Variants in AGBL4 observed in about 807,000 individuals in gnomAD.
AGBL4 encodes the protein AGBL carboxypeptidase 4.
AGBL4 carries 58 observed loss-of-function variants against 66.4 expected under a neutral mutation model. The ratio of observed to expected loss-of-function variants is 0.87; its 90% CI spans 0.71 to 1.09. The LOEUF (loss-of-function observed/expected upper bound fraction) is 1.09, where lower values mean the gene tolerates loss of function less well. Ranked by LOEUF, AGBL4 falls within the 50% of genes least tolerant of loss-of-function variation. The pLI is 0.00. For synonymous variants in AGBL4, 234 were observed against 222.9 expected, an observed-to-expected ratio of 1.05 and a Z score of -0.44; for missense variants, 579 against 631.0, an observed-to-expected ratio of 0.92 and a Z score of 0.88.
At chr1:49,245,641 G>A (rs1390840340) in intron 4 of AGBL4, 129 bp downstream of exon 4, 3 of 592,676 alleles carry the variant, frequency 5.1e-6, no homozygotes, top group Non-Finnish European at 8.8e-6. Context: ...CTAGAGTTCT[G>A]GGTAAAATTT....
chr1:49,890,964 G>A (rs1336940271), intron 1 of AGBL4, among the ~76,000 whole-genome samples: 1 of 152,146 alleles, frequency 6.6e-6, no homozygotes, highest in Non-Finnish European at 1.5e-5. Context: ...ATGACAGGTA[G>A]TAAAATGTGC....
At chr1:49,120,673 A>G (rs1645634124) in intron 4 of AGBL4, among the ~76,000 whole-genome samples, 1 of 152,058 alleles carries the variant, frequency 6.6e-6, no homozygotes, top group African/African-American at 2.4e-5. Context: ...GAAACTGACA[A>G]TTATGTGTCT....
intron 6 of AGBL4, among the ~76,000 whole-genome samples, chr1:48,856,906 AGCT>A (rs1647173742): frequency 6.6e-6 from 1 of 152,200 alleles, no homozygotes; most frequent in Non-Finnish European, 1.5e-5. Flanking sequence ...AAAGTGGGTC[AGCT>A]TGAATTCTGT....
At chr1:48,940,376 C>T (rs1483340501) in intron 5 of AGBL4, among the ~76,000 whole-genome samples, 2 of 151,654 alleles carry the variant, frequency 1.3e-5, no homozygotes, top group Non-Finnish European at 1.5e-5. Flanking sequence ...GAGACTCCAT[C>T]TCAAGAAAAA....
chr1:49,645,330 A>C (rs1223509415), intron 3 of AGBL4, among the ~76,000 whole-genome samples: 1 of 151,544 alleles, frequency 6.6e-6, no homozygotes, highest in Admixed American at 6.6e-5. Flanking sequence ...ATCAGTATAA[A>C]AAGAGAATAC....
chr1:49,991,761 GT>G (rs924072545), intron 1 of AGBL4, among the ~76,000 whole-genome samples: 12 of 151,870 alleles, frequency 7.9e-5, no homozygotes, highest in Non-Finnish European at 1.6e-4. Flanking sequence ...TGACAACTTA[GT>G]TTTTTTTAAT....
intron 3 of AGBL4, among the ~76,000 whole-genome samples, chr1:49,564,535 T>A (rs1434342316): frequency 6.6e-6 from 1 of 152,228 alleles, no homozygotes; most frequent in Non-Finnish European, 1.5e-5. Context: ...TCAAAGAACA[T>A]CTTTATTTCT....
At chr1:48,544,430 G>A (rs561376851) in intron 11 of AGBL4, among the ~76,000 whole-genome samples, 15 of 152,352 alleles carry the variant, frequency 9.8e-5, no homozygotes, top group Admixed American at 2.6e-4. Context: ...GCCACATGCT[G>A]TGTATGGCAG....
At chr1:49,451,575 A>C (rs1041160077) in intron 3 of AGBL4, among the ~76,000 whole-genome samples, 2 of 151,980 alleles carry the variant, frequency 1.3e-5, no homozygotes, top group Admixed American at 1.3e-4. Flanking sequence ...AATTCACCTC[A>C]GGCACATCTG....
At chr1:48,585,031 C>G (rs988098885) in intron 11 of AGBL4, 1 of 152,160 alleles carries the variant, frequency 6.6e-6, no homozygotes, top group East Asian at 1.9e-4. Flanking sequence ...AGGAATCATG[C>G]CTTTTTATTC....
intron 1 of AGBL4, among the ~76,000 whole-genome samples, chr1:49,878,367 T>G (rs1214880223): frequency 2.7e-5 from 4 of 150,178 alleles, no homozygotes; most frequent in Non-Finnish European, 5.9e-5. Flanking sequence ...GTGTCTTTGT[T>G]CTCGTTGGTT....
chr1:49,882,201 T>C (rs1647411703), intron 1 of AGBL4, among the ~76,000 whole-genome samples: 2 of 150,760 alleles, frequency 1.3e-5, no homozygotes, highest in East Asian at 1.9e-4. Flanking sequence ...TAGTTGTAGA[T>C]ATGCGGCATT....
At chr1:49,565,766 A>G (rs1337328993) in intron 3 of AGBL4, among the ~76,000 whole-genome samples, 1 of 151,892 alleles carries the variant, frequency 6.6e-6, no homozygotes, top group African/African-American at 2.4e-5. Flanking sequence ...GGTGAATCTG[A>G]CAAGTATGTG....
chr1:49,787,360 G>A (rs1265836711), intron 2 of AGBL4, among the ~76,000 whole-genome samples: 7 of 151,938 alleles, frequency 4.6e-5, no homozygotes, highest in Non-Finnish European at 7.4e-5. Context: ...AAAATTAGCC[G>A]GGCGTGGTGG....
chr1:48,984,525 T>C (rs901085363), intron 5 of AGBL4, among the ~76,000 whole-genome samples: 12 of 147,978 alleles, frequency 8.1e-5, no homozygotes, highest in Non-Finnish European at 1.5e-4. Flanking sequence ...ACACTCACAG[T>C]GCACACTAGG....
chr1:48,885,523 C>G (rs144086599), intron 5 of AGBL4, among the ~76,000 whole-genome samples: 1 of 152,076 alleles, frequency 6.6e-6, no homozygotes, highest in Non-Finnish European at 1.5e-5. Flanking sequence ...ACACCAAGAC[C>G]GGCCACATAA....
intron 5 of AGBL4, among the ~76,000 whole-genome samples, chr1:48,947,899 T>G (rs1656654250): frequency 7.3e-6 from 1 of 136,478 alleles, no homozygotes; most frequent in Non-Finnish European, 1.5e-5. Context: ...TTTTGTTTTG[T>G]TTTTTTTTTT....
At chr1:48,641,052 C>T (rs1645747242) in intron 8 of AGBL4, among the ~76,000 whole-genome samples, 1 of 152,104 alleles carries the variant, frequency 6.6e-6, no homozygotes, top group African/African-American at 2.4e-5. Context: ...GTGGCATTGA[C>T]AAGCAGAGAT....
chr1:48,625,365 C>A (rs1420327726), intron 9 of AGBL4, among the ~76,000 whole-genome samples: 14 of 152,074 alleles, frequency 9.2e-5, no homozygotes, highest in African/African-American at 3.4e-4. Context: ...GCCTTTTCTC[C>A]CTCTCTCCTA....
Sources: gnomAD v4.1 joint callset for allele counts (sites outside exome capture counted in the v4.1 genomes callset) on GRCh38, gnomAD v4.1.1 for gene constraint, MANE v1.5 for transcripts, NCBI Gene and HGNC (gene_info 2026-07-23, HGNC 2026-07-21) for gene names.